AGAP1: variants seen among roughly 807,000 people sequenced by gnomAD.
The protein encoded by AGAP1 is ArfGAP with GTPase domain, ankyrin repeat and PH domain 1, also known as arf-GAP with GTPase, ANK repeat and PH domain-containing protein 1.
AGAP1 carries 29 observed loss-of-function variants against 105.3 expected under a neutral mutation model. The observed-to-expected ratio is 0.28, with a 90% CI of 0.21 to 0.38. The LOEUF (loss-of-function observed/expected upper bound fraction) is 0.38. Ranked by LOEUF, AGAP1 falls within the 10% of genes least tolerant of loss-of-function variation. AGAP1 has a pLI of 1.00. For synonymous variants in AGAP1, 509 were observed against 485.9 expected, an observed-to-expected ratio of 1.05 and a Z score of -0.63; for missense variants, 998 against 1,165.1, an observed-to-expected ratio of 0.86 and a Z score of 2.09.
At chr2:235,826,360 A>T (rs1453627108) in intron 9 of AGAP1, among the ~76,000 whole-genome samples, 2 of 152,230 alleles carry the variant, frequency 1.3e-5, no homozygotes, top group African/African-American at 4.8e-5. Flanking sequence ...GGTAACCATC[A>T]GCTGCATAAC....
Position 235,884,655 on chromosome 2 carries a change from T to C in AGAP1, c.1155+1206T>C, listed in dbSNP as rs1363892100. Among the ~76,000 whole-genome samples the C allele has an allele frequency of 2.0e-5, 3 of 152,072 alleles. No individual in the cohort carries two copies. In the East Asian group the frequency reaches 5.8e-4, roughly 29 times the overall value. The stretch of plus-strand genomic sequence containing the variant: ...TTTTAGTAGAGACGTGGTTTCACCA[T>C]GTTGGCCAGGCTGGTCTTGAACTCC... On this transcript the variant is annotated intron_variant, in intron 10 of 17. Coordinates refer to ENST00000304032, the MANE Select transcript of AGAP1 (RefSeq NM_001037131.3).
intron 3 of AGAP1, among the ~76,000 whole-genome samples, chr2:235,730,371 G>A (rs927340839): frequency 2.6e-5 from 4 of 150,956 alleles, no homozygotes; most frequent in South Asian, 2.1e-4. Context: ...TTGTGCATCC[G>A]TCTCAGGTCA....
At position 235,574,083 on chromosome 2, in the gene AGAP1, A is replaced by G. The variant is rs1250524636; in HGVS notation, c.163+79234A>G. 6.6e-6 allele frequency among the ~76,000 whole-genome samples: 1 copy of G among 152,180 alleles called. No homozygotes were observed. Among genetic ancestry groups the G allele is most frequent in the Non-Finnish European group, 1.5e-5 (1 of 68,016 alleles). On this transcript the variant is annotated intron_variant, in intron 1 of 17. Transcript: ENST00000304032. This position sits in a 1 kb window ranked among gnomAD's most constrained non-coding sequence, Gnocchi z 5.0. ...GCCTGGGTGCCTTGGGGCCTGTCCT[A>G]TCTGAGGTCCACAGCCTGCAGGGAC...
At chr2:236,022,391 T>C (rs1472577887) in intron 13 of AGAP1, among the ~76,000 whole-genome samples, 3 of 152,190 alleles carry the variant, frequency 2.0e-5, no homozygotes, top group Non-Finnish European at 4.4e-5. Flanking sequence ...CAAAAATAAT[T>C]AGCTGAGAAC....
In AGAP1 at chr2:236,090,617, A is replaced by G. The variant is rs2059033781; in HGVS notation, c.2115-29575A>G. ...TTGTTCGGATTTTTGTGTTATTTTC[A>G]TCACTTTTGGATATTGAAAGCTAGC... On this transcript the variant is annotated intron_variant, in intron 16 of 17. Coordinates refer to ENST00000304032, the MANE Select transcript of AGAP1 (RefSeq NM_001037131.3). This position sits in a 1 kb window ranked among gnomAD's most constrained non-coding sequence, Gnocchi z 4.3. Among the ~76,000 whole-genome samples the G allele has an allele frequency of 6.6e-6, 1 of 152,094 alleles. No individual in the cohort carries two copies. The highest frequency in any genetic ancestry group is 1.5e-5 in the Non-Finnish European group (1 of 68,016).
chr2:236,038,515 G>C lies in AGAP1; in HGVS notation c.1800+1800G>C, dbSNP rs748555784. On this transcript the variant is annotated intron_variant, in intron 14 of 17. Coordinates refer to ENST00000304032, the MANE Select transcript of AGAP1 (RefSeq NM_001037131.3). This position sits in a 1 kb window ranked among gnomAD's most constrained non-coding sequence, Gnocchi z 4.5. Reference sequence around the variant, plus strand: ...TGCCCTCGGCCCTCACTAGGCGCCTGTTCTCCAGGGAATTGCTCCCTTGGG... The same window carrying C: ...TGCCCTCGGCCCTCACTAGGCGCCTCTTCTCCAGGGAATTGCTCCCTTGGG... 1.4e-4 allele frequency among the ~76,000 whole-genome samples: 21 copies of C among 152,156 alleles called. No individual in the cohort carries two copies. The highest frequency in any genetic ancestry group is 2.8e-4 in the Non-Finnish European group (19 of 68,022).
intron 11 of AGAP1, among the ~76,000 whole-genome samples, chr2:235,910,961 G>A (rs2051581381): frequency 6.6e-6 from 1 of 151,690 alleles, no homozygotes; most frequent in Non-Finnish European, 1.5e-5. Context: ...CAGAAGTTGT[G>A]CGCACTGCAG....
In AGAP1 at chr2:235,927,726, A is replaced by G. The variant is rs2052522624; in HGVS notation, c.1325-3039A>G. ...ATACTGTCCTCTGCCTTTTAAAGGA[A>G]ATTGTTCTGGAAGGTTTCTAGGCCT... On this transcript the variant is annotated intron_variant, in intron 11 of 17. Coordinates refer to ENST00000304032, the MANE Select transcript of AGAP1 (RefSeq NM_001037131.3). This position sits in a 1 kb window ranked among gnomAD's most constrained non-coding sequence, Gnocchi z 4.4. 6.6e-6 allele frequency among the ~76,000 whole-genome samples: 1 copy of G among 152,126 alleles called. No homozygotes were observed. Among genetic ancestry groups the G allele is most frequent in the African/African-American group, 2.4e-5 (1 of 41,422 alleles).
rs2056451196 is a variant in AGAP1, at chr2:236,009,856, C to A, written c.1646-26705C>A. ...CCTCGGCGCTGCATCATTTTTTAAT[C>A]AGCTATCTGAGGAATATTTATCTGA... On this transcript the variant is annotated intron_variant, in intron 13 of 17. Coordinates refer to ENST00000304032, the MANE Select transcript of AGAP1 (RefSeq NM_001037131.3). The surrounding 1 kb of genome is among the most constrained non-coding windows in gnomAD (Gnocchi z 4.2). Among the ~76,000 whole-genome samples, 1 of 152,158 alleles carries A rather than the reference C, an allele frequency of 6.6e-6. No individual in the cohort carries two copies. The highest frequency in any genetic ancestry group is 1.5e-5 in the Non-Finnish European group (1 of 68,038).
rs1445175121 is a variant in AGAP1 at position 235,728,218 on chromosome 2, T to C, written c.310+10574T>C. 3.3e-5 allele frequency among the ~76,000 whole-genome samples: 5 copies of C among 151,986 alleles called. No individual in the cohort carries two copies. The highest frequency in any genetic ancestry group is 2.1e-4 in the South Asian group (1 of 4,814). On this transcript the variant is annotated intron_variant, in intron 3 of 17. Transcript: ENST00000304032. The surrounding 1 kb of genome is among the most constrained non-coding windows in gnomAD (Gnocchi z 4.3). Reference sequence around the variant, plus strand: ...AATTACATCAGGAGAATCTGAGATGTAGTGAAAGTGCCCCCAAGCTCCCCG... The same window carrying C: ...AATTACATCAGGAGAATCTGAGATGCAGTGAAAGTGCCCCCAAGCTCCCCG...
intron 1 of AGAP1, among the ~76,000 whole-genome samples, chr2:235,708,938 T>C (rs3754671): frequency 0.26 from 39,289 of 152,076 alleles, 6,352 homozygotes; most frequent in African/African-American, 0.44. Context: ...CAGTAACTTT[T>C]GAAGTCATTG....
intron 1 of AGAP1, among the ~76,000 whole-genome samples, chr2:235,628,228 G>A (rs937611828): frequency 6.6e-6 from 1 of 152,160 alleles, no homozygotes; most frequent in Non-Finnish European, 1.5e-5. Flanking sequence ...GTGCATTGCT[G>A]CCTACAGTCC....
chr2:236,087,625 A>G lies in AGAP1; in HGVS notation c.2115-32567A>G, dbSNP rs372055260. ...AGGCCCCTTGGTTAAGCGTGATAAC[A>G]TGATCACCTGGTGTTTTAAAGCTTT... On this transcript the variant is annotated intron_variant, in intron 16 of 17. Coordinates refer to ENST00000304032, the MANE Select transcript of AGAP1 (RefSeq NM_001037131.3). This position sits in a 1 kb window ranked among gnomAD's most constrained non-coding sequence, Gnocchi z 5.7. 1.2e-3 allele frequency among the ~76,000 whole-genome samples: 183 copies of G among 152,304 alleles called. 1 individual carries two copies. Among genetic ancestry groups the G allele is most frequent in the African/African-American group, 4.2e-3 (173 of 41,574 alleles).
intron 13 of AGAP1, 76 bp downstream of exon 13, chr2:235,968,699 T>TCGGAAG: frequency 7.0e-7 from 1 of 1,419,814 alleles, no homozygotes; most frequent in Non-Finnish European, 9.7e-7. Flanking sequence ...TGCGTGAAAT[T>TCGGAAG]AGACACCCTT....
rs898986500 is a variant in AGAP1 at position 236,105,233 on chromosome 2, C to G, written c.2115-14959C>G. 6.6e-6 allele frequency among the ~76,000 whole-genome samples: 1 copy of G among 152,044 alleles called. No individual in the cohort carries two copies. The highest frequency in any genetic ancestry group is 1.5e-5 in the Non-Finnish European group (1 of 68,010). ...GTGAATTGGTCTGAATGGAAAAATC[C>G]AAAACATCCCACTTTAAGAACCCTG... On this transcript the variant is annotated intron_variant, in intron 16 of 17. Coordinates refer to ENST00000304032, the MANE Select transcript of AGAP1 (RefSeq NM_001037131.3). This position sits in a 1 kb window ranked among gnomAD's most constrained non-coding sequence, Gnocchi z 4.2.
In AGAP1 at chr2:235,994,876, A is replaced by T. The variant is rs2125472242; in HGVS notation, c.1645+26253A>T. ...GGTCAGGAGTTTGAGACCAGCCTGGACAAAATAGTGAAACCCCATCTGTAC... is the reference window on the plus strand; with the variant it reads ...GGTCAGGAGTTTGAGACCAGCCTGGTCAAAATAGTGAAACCCCATCTGTAC... On this transcript the variant is annotated intron_variant, in intron 13 of 17. Coordinates refer to ENST00000304032, the MANE Select transcript of AGAP1 (RefSeq NM_001037131.3). The surrounding 1 kb of genome is among the most constrained non-coding windows in gnomAD (Gnocchi z 4.4). Among the ~76,000 whole-genome samples, 1 of 150,636 alleles carries T rather than the reference A, an allele frequency of 6.6e-6. No individual in the cohort carries two copies. The highest frequency in any genetic ancestry group is 2.4e-5 in the African/African-American group (1 of 41,100).
At chr2:235,921,925 C>G (rs1473437631) in intron 11 of AGAP1, among the ~76,000 whole-genome samples, 1 of 152,196 alleles carries the variant, frequency 6.6e-6, no homozygotes, top group Non-Finnish European at 1.5e-5. Flanking sequence ...ATTCACAGGC[C>G]TTAAATCGTG....
Position 235,872,776 on chromosome 2 carries a change from C to G in AGAP1, c.1051-10569C>G, listed in dbSNP as rs920070365. On this transcript the variant is annotated intron_variant, in intron 9 of 17. Coordinates refer to ENST00000304032, the MANE Select transcript of AGAP1 (RefSeq NM_001037131.3). This position sits in a 1 kb window ranked among gnomAD's most constrained non-coding sequence, Gnocchi z 4.5. The stretch of plus-strand genomic sequence containing the variant: ...AAAGCGACGGGCCCCCTGTCTTCCC[C>G]GATTGGTTTCCATTTAGCTGCTGCA... Among the ~76,000 whole-genome samples, 1 of 152,162 alleles carries G rather than the reference C, an allele frequency of 6.6e-6. No homozygotes were observed. Among genetic ancestry groups the G allele is most frequent in the African/African-American group, 2.4e-5 (1 of 41,436 alleles).
At chr2:235,757,832 G>T (rs1954058714) in intron 6 of AGAP1, among the ~76,000 whole-genome samples, 1 of 152,170 alleles carries the variant, frequency 6.6e-6, no homozygotes, top group Non-Finnish European at 1.5e-5. Flanking sequence ...AATTACAGGA[G>T]TGTCCAGAAC....
Sources: allele counts gnomAD v4.1 joint callset (sites outside exome capture counted in the v4.1 genomes callset), GRCh38; gene constraint gnomAD v4.1.1; non-coding constraint Gnocchi (gnomAD v3.1); transcripts MANE v1.5; gene names NCBI Gene and HGNC (gene_info 2026-07-23, HGNC 2026-07-21).